NAV2: variants seen among roughly 807,000 people sequenced by gnomAD.
NAV2 encodes neuron navigator 2.
NAV2 carries 54 observed loss-of-function variants against 223.2 expected under a neutral mutation model. The observed-to-expected ratio is 0.24, with a 90% confidence interval of 0.19 to 0.30. The LOEUF is 0.30. NAV2 is among the 10% of genes least tolerant of loss of function. The pLI is 1.00. For missense variants in NAV2, 2,806 were observed against 3,147.5 expected (o/e 0.89, Z 2.60); for synonymous variants, 1,279 against 1,239.3 (o/e 1.03, Z -0.67).
intron 11 of NAV2, among the ~76,000 whole-genome samples, chr11:20,019,174 G>C (rs1176546583): frequency 6.6e-6 from 1 of 152,174 alleles, no homozygotes; most frequent in African/African-American, 2.4e-5. Context: ...ATGAGGGAAG[G>C]CTGAGCGACC....
chr11:19,443,433 C>T (rs556379107), intron 1 of NAV2, among the ~76,000 whole-genome samples: 11 of 152,332 alleles, frequency 7.2e-5, no homozygotes, highest in Admixed American at 5.9e-4. Context: ...CTCTCCCTGC[C>T]ATGGACCACT....
At chr11:19,914,422 T>C (rs1011248503) in intron 6 of NAV2, among the ~76,000 whole-genome samples, 10 of 152,216 alleles carry the variant, frequency 6.6e-5, no homozygotes, top group Non-Finnish European at 1.3e-4. Context: ...CCCAAATCAT[T>C]CTCAGAAAAG....
At chr11:19,649,558 C>G (rs78903047) in intron 1 of NAV2, among the ~76,000 whole-genome samples, 1 of 152,132 alleles carries the variant, frequency 6.6e-6, no homozygotes, top group Non-Finnish European at 1.5e-5. Flanking sequence ...ATTCTCACAG[C>G]GAGAGTGGAG....
chr11:19,930,475 T>C (rs1368415459), intron 6 of NAV2, among the ~76,000 whole-genome samples: 1 of 152,198 alleles, frequency 6.6e-6, no homozygotes, highest in African/African-American at 2.4e-5. Flanking sequence ...GTAGTTCCTA[T>C]AAGGACAGTG....
intron 1 of NAV2, among the ~76,000 whole-genome samples, chr11:19,406,867 C>G (rs1462120659): frequency 6.6e-6 from 1 of 152,218 alleles, no homozygotes; most frequent in Non-Finnish European, 1.5e-5. Flanking sequence ...CTGATTCTCT[C>G]TCACCTCTCT....
intron 1 of NAV2, 46 bp from the exon 2 acceptor site, chr11:19,832,438 G>A (rs1471522739): frequency 1.4e-6 from 2 of 1,479,360 alleles, no homozygotes; most frequent in Non-Finnish European, 1.9e-6. Context: ...ACTCTGAGAG[G>A]GGATCCGACT....
chr11:19,795,439 A>G (rs1300572294), intron 1 of NAV2, among the ~76,000 whole-genome samples: 1 of 152,250 alleles, frequency 6.6e-6, no homozygotes, highest in Non-Finnish European at 1.5e-5. Context: ...TTAAATAAAG[A>G]GGAAACAAAA....
intron 1 of NAV2, among the ~76,000 whole-genome samples, chr11:19,822,998 G>A (rs1454834894): frequency 6.6e-6 from 1 of 152,138 alleles, no homozygotes; most frequent in African/African-American, 2.4e-5. Flanking sequence ...GGTTTTCCTT[G>A]AGGGAAAAGT....
intron 22 of NAV2, among the ~76,000 whole-genome samples, chr11:20,072,450 G>GT (rs140690605): frequency 0.34 from 51,961 of 151,882 alleles, 9,990 homozygotes; most frequent in African/African-American, 0.52. Context: ...ATTTAAAGTA[G>GT]TTTTTTTACA....
rs371916848 is a variant in NAV2 at position 19,988,754 on chromosome 11, C to T, written c.2768+4507C>T. ...ATGGTGTGAGAATGTAACTATGCAA[C>T]CTGGTATTTGAGCAGCCTGCCAAGC... On this transcript the variant is annotated intron_variant, in intron 11 of 37. Transcript: ENST00000349880. Among the ~76,000 whole-genome samples the T allele has an allele frequency of 3.9e-5, 6 of 152,204 alleles. No homozygotes were observed. The East Asian group carries it at 1.2e-3, about 30-fold the overall frequency.
At chr11:19,615,362 T>C (rs759047423) in intron 1 of NAV2, among the ~76,000 whole-genome samples, 53 of 152,000 alleles carry the variant, frequency 3.5e-4, no homozygotes, top group Non-Finnish European at 6.9e-4. Flanking sequence ...ATTTGTAAAA[T>C]GGGGATAATA....
At chr11:19,618,990 T>C (rs1179961033) in intron 1 of NAV2, among the ~76,000 whole-genome samples, 3 of 2,186 alleles carry the variant, frequency 1.4e-3, no homozygotes, top group African/African-American at 5.7e-3. Context: ...TTCCCACCTA[T>C]GAGTGAGAAC....
At chr11:19,375,497 G>T (rs1848611056) in intron 1 of NAV2, among the ~76,000 whole-genome samples, 1 of 152,148 alleles carries the variant, frequency 6.6e-6, no homozygotes, top group Non-Finnish European at 1.5e-5. Flanking sequence ...CACAAACTCA[G>T]CTCTTGCTCT....
chr11:19,915,168 T>G (rs1288249642), intron 6 of NAV2, among the ~76,000 whole-genome samples: 1 of 152,240 alleles, frequency 6.6e-6, no homozygotes, highest in African/African-American at 2.4e-5. Context: ...TGTGGAGTCC[T>G]GACTTTTTCT....
In NAV2 at chr11:19,862,383, CAT is replaced by C. The variant is rs200648221; in HGVS notation, c.439-6541_439-6540del. ...AGCTGTGTCCAGCCCGTGATTCCCA[CAT>C]TCTTAAGCTTTCCTGTTTCAAAGCC... On this transcript the variant is annotated intron_variant, in intron 3 of 37. Transcript: ENST00000349880. Among the ~76,000 whole-genome samples, 835 of 152,340 alleles carry C rather than the reference CAT, an allele frequency of 5.5e-3. 12 individuals are homozygous for C. The highest frequency in any genetic ancestry group is 9.2e-3 in the Non-Finnish European group (623 of 68,038).
chr11:19,424,422 A>G (rs1850741957), intron 1 of NAV2, among the ~76,000 whole-genome samples: 2 of 152,246 alleles, frequency 1.3e-5, no homozygotes, highest in African/African-American at 4.8e-5. Context: ...GAAGAGCACT[A>G]TGTGTGGCAT....
At position 20,092,236 on chromosome 11, in the gene NAV2, G is replaced by T. The variant is rs1693594797; in HGVS notation, c.5683G>T (p.Asp1895Tyr). The change falls in exon 28 of 38, where the codon GAT becomes TAT. Residue 1895 changes from aspartate (D) to tyrosine (Y), a missense_variant. Physicochemically the swap from Asp to Tyr is radical, Grantham distance 160. Coordinates refer to ENST00000349880, the MANE Select transcript of NAV2 (RefSeq NM_145117.5). ...SEIEKLKAENDRLKSESQGSG... is the reference protein window; with the variant it reads ...SEIEKLKAENYRLKSESQGSG... ...AATAGAGAAGCTGAAAGCTGAGAAT[G>T]ATCGGCTGAAGTCAGAGTCTCAAGG... 1.2e-6 allele frequency: 2 copies of T among 1,614,230 alleles called. No individual in the cohort carries two copies. The highest frequency in any genetic ancestry group is 1.7e-6 in the Non-Finnish European group (2 of 1,180,038).
At chr11:19,880,287 A>G (rs2063121271) in intron 5 of NAV2, among the ~76,000 whole-genome samples, 160 bp downstream of exon 5, 1 of 152,230 alleles carries the variant, frequency 6.6e-6, no homozygotes, top group African/African-American at 2.4e-5. Flanking sequence ...AAATGCATGC[A>G]GTGAGGAGCC....
In NAV2 at chr11:19,477,221, G is replaced by A. The variant is rs142864292; in HGVS notation, c.75+126194G>A. Among the ~76,000 whole-genome samples, 683 of 152,270 alleles carry A rather than the reference G, an allele frequency of 4.5e-3. 8 individuals carry two copies. Among genetic ancestry groups the A allele is most frequent in the African/African-American group, 0.016 (644 of 41,540 alleles). On this transcript the variant is annotated intron_variant, in intron 1 of 37. Transcript: ENST00000360655. ...ATGAGGGTATTGCTAAGAAAAAAAT[G>A]CAAACCCTATAAAACCTGTCATATT...
Sources: allele counts gnomAD v4.1 joint callset (sites outside exome capture counted in the v4.1 genomes callset), GRCh38; gene constraint gnomAD v4.1.1; transcripts MANE v1.5; gene names NCBI Gene and HGNC (gene_info 2026-07-23, HGNC 2026-07-21).